Variants in MROH1 observed in about 807,000 individuals in gnomAD.
The protein encoded by MROH1 is maestro heat like repeat family member 1.
MROH1 carries 117 observed loss-of-function variants against 116.5 expected under a neutral mutation model. That is an observed-to-expected ratio of 1.00 (90% CI 0.86 to 1.17). The LOEUF (loss-of-function observed/expected upper bound fraction) is 1.17, where lower values mean the gene tolerates loss of function less well. Ranked by LOEUF, MROH1 falls within the 50% of genes most tolerant of loss-of-function variation. The pLI, the probability that MROH1 is intolerant of heterozygous loss-of-function variation, is 0.00. For missense variants in MROH1, 1,873 were observed against 1,338.5 expected (o/e 1.40, Z -6.23); for synonymous variants, 921 against 583.9 (o/e 1.58, Z -8.32).
chr8:144,260,863 T>C lies in MROH1; in HGVS notation c.4536+31T>C. The C allele has an allele frequency of 1.8e-5, 14 of 777,446 alleles. 1 individual carries two copies. The highest frequency in any genetic ancestry group is 1.7e-4 in the South Asian group (13 of 74,548). 48.2% of individuals were successfully genotyped at this position (777,446 alleles called of 1,614,324 possible). A position where few individuals can be genotyped will look rare whatever the true frequency, so the allele number is the denominator to read the frequency against. On this transcript the variant is annotated intron_variant, in intron 40 of 43. Transcript: ENST00000326134. ...TAGCCAGGGGGTGAGTGGGATGGGG[T>C]GGGTGGCCTCAACTGGACTTGGCCC... is the stretch of plus-strand genomic sequence containing the variant.
At chr8:144,161,814 G>A (rs369207118) in intron 2 of MROH1, among the ~76,000 whole-genome samples, 1 of 152,180 alleles carries the variant, frequency 6.6e-6, no homozygotes, top group East Asian at 1.9e-4. Context: ...CCTGGACGAC[G>A]GAGCTGGGCA....
chr8:144,249,158 C>G (rs1842419850), intron 32 of MROH1, 129 bp downstream of exon 32: 5 of 669,814 alleles, frequency 7.5e-6, no homozygotes, highest in Non-Finnish European at 1.4e-5. Context: ...GTGAGGCTGG[C>G]CCTGGCCTGT....
At chr8:144,191,997 T>A in intron 9 of MROH1, 142 bp downstream of exon 9, 1 of 1,015,068 alleles carries the variant, frequency 9.9e-7, no homozygotes, top group East Asian at 2.6e-5. Flanking sequence ...TGGTGGGCTG[T>A]GAAGGACAGG....
intron 1 of MROH1, among the ~76,000 whole-genome samples, chr8:144,156,922 A>G (rs1818290513): frequency 6.7e-6 from 1 of 150,300 alleles, no homozygotes; most frequent in South Asian, 2.1e-4. Context: ...AGCTGGGATT[A>G]CAGGCGCACA....
In MROH1 at chr8:144,240,127, G is replaced by C. The variant is rs1302204280; in HGVS notation, c.1801G>C (p.Glu601Gln). The C allele has an allele frequency of 1.3e-6, 1 of 778,886 alleles. No individual in the cohort carries two copies. Among genetic ancestry groups the C allele is most frequent in the Admixed American group, 1.7e-5 (1 of 58,776 alleles). 48.2% of individuals were successfully genotyped at this position (778,886 alleles called of 1,614,324 possible). The change falls in exon 19 of 44, where the codon GAG (glutamate) becomes CAG (glutamine). Residue 601 changes from glutamate to glutamine, a missense_variant. Coordinates refer to ENST00000326134, the MANE Select transcript of MROH1 (RefSeq NM_032450.3). ...DEHTEETLPQ[E>Q]EWEEKLLMFL... ...GCACACAGAAGAGACCCTGCCACAG[G>C]AGGAGTGGGAGGAGAAGCTGTTGAT...
At chr8:144,246,876 A>G (rs1842006243) in intron 29 of MROH1, among the ~76,000 whole-genome samples, 1 of 152,236 alleles carries the variant, frequency 6.6e-6, no homozygotes, top group African/African-American at 2.4e-5. Flanking sequence ...TCTGGAAGGC[A>G]GGACCAGGAC....
rs1564550884 is a variant in MROH1 at position 144,243,931 on chromosome 8, C to T, written c.2544C>T (p.Cys848=). The part of the protein sequence containing the change: ...TPIRKKAMLT[C]TYLVSVEPAL... The stretch of plus-strand genomic sequence containing the variant: ...TTCGGAAGAAAGCCATGCTCACCTG[C>T]ACTTACTTGGTGTATCCTTTCCTGC... The change falls in exon 26 of 44, where the codon TGC becomes TGT. Residue 848 remains cysteine (C), a synonymous_variant. Coordinates refer to ENST00000326134, the MANE Select transcript of MROH1 (RefSeq NM_032450.3). 22 of 780,294 alleles carry T rather than the reference C, an allele frequency of 2.8e-5. No individual in the cohort carries two copies. The highest frequency in any genetic ancestry group is 2.2e-4 in the Middle Eastern group (1 of 4,458). The allele number at this position is 780,294 out of a possible 1,614,324, so 48.3% of individuals were successfully genotyped here.
At chr8:144,261,464 A>G (rs1483945844) in intron 43 of MROH1, 115 bp downstream of exon 43, 13 of 697,512 alleles carry the variant, frequency 1.9e-5, no homozygotes, top group Middle Eastern at 3.6e-4. Flanking sequence ...TGGTGACCTC[A>G]TCGTCTCTAG....
intron 1 of MROH1, among the ~76,000 whole-genome samples, chr8:144,152,952 C>A (rs890193887): frequency 1.3e-5 from 2 of 152,144 alleles, no homozygotes; most frequent in Middle Eastern, 3.2e-3. Flanking sequence ...CTATGTTGTG[C>A]AATTGATCTC....
Position 144,260,225 on chromosome 8 carries a change from G to A in MROH1, c.4231G>A (p.Gly1411Ser). 1.3e-6 allele frequency: 1 copy of A among 765,856 alleles called. No individual in the cohort carries two copies. Among genetic ancestry groups the A allele is most frequent in the South Asian group, 1.3e-5 (1 of 74,544 alleles). 47.4% of individuals were successfully genotyped at this position (765,856 alleles called of 1,614,324 possible). Residue 1411 changes from glycine to serine, a missense_variant, in exon 39 of 44, where the codon GGC (glycine) becomes AGC (serine). Transcript: ENST00000326134. ...CCCCCAGCTCCTCACAGCCATGATTGGCGGGCTGGACGACGGGGACAACCC... is the reference window on the plus strand; with the variant it reads ...CCCCCAGCTCCTCACAGCCATGATTAGCGGGCTGGACGACGGGGACAACCC... ...HGPQLLTAMI[G>S]GLDDGDNPHS...
At chr8:144,257,032 G>A (rs1400974311) in intron 35 of MROH1, among the ~76,000 whole-genome samples, 4 of 152,094 alleles carry the variant, frequency 2.6e-5, no homozygotes, top group East Asian at 1.9e-4. Flanking sequence ...ACTGTGGCCC[G>A]GTGGGTCCTC....
At chr8:144,257,698 T>C (rs1443324114) in intron 35 of MROH1, among the ~76,000 whole-genome samples, 1 of 152,196 alleles carries the variant, frequency 6.6e-6, no homozygotes, top group Non-Finnish European at 1.5e-5. Context: ...CCACTCCACG[T>C]CGCAGCACAC....
chr8:144,211,923 G>A (rs915091794), intron 12 of MROH1, among the ~76,000 whole-genome samples: 10 of 152,146 alleles, frequency 6.6e-5, no homozygotes, highest in Non-Finnish European at 1.3e-4. Flanking sequence ...GCAAGCGGCA[G>A]CCTCTTGAGA....
intron 10 of MROH1, among the ~76,000 whole-genome samples, chr8:144,194,949 A>G (rs1047124271): frequency 6.6e-6 from 1 of 151,380 alleles, no homozygotes; most frequent in African/African-American, 2.4e-5. Flanking sequence ...CAGTTACAAG[A>G]CCAACCTACA....
intron 7 of MROH1, among the ~76,000 whole-genome samples, chr8:144,187,426 A>C (rs1337539201): frequency 1.3e-5 from 2 of 152,166 alleles, no homozygotes; most frequent in East Asian, 1.9e-4. Flanking sequence ...AAGAAAAAAA[A>C]CCAAAATCCT....
rs1385325343 is a variant in MROH1 at position 144,191,729 on chromosome 8, G to A, written c.729G>A (p.Val243=). 6.2e-7 allele frequency: 1 copy of A among 1,612,794 alleles called. No homozygotes were observed. Among genetic ancestry groups the A allele is most frequent in the Non-Finnish European group, 8.5e-7 (1 of 1,179,654 alleles). ...TCCCCTCTCAGCTCCGTCTTGCCGTGGTGGAGGCTCTGGGGCCTATGAGCC... is the reference window on the plus strand; with the variant it reads ...TCCCCTCTCAGCTCCGTCTTGCCGTAGTGGAGGCTCTGGGGCCTATGAGCC... ...QSREAKLRLA[V]VEALGPMSHL... The change falls in exon 9 of 44, where the codon GTG becomes GTA. Residue 243 remains valine (V), a synonymous_variant. Transcript: ENST00000326134.
chr8:144,242,534 C>A lies in MROH1; in HGVS notation c.2325+19C>A. The stretch of plus-strand genomic sequence containing the variant: ...CACCAAGGTGGGCACTGCGGTGGGC[C>A]TGCCACGCAGGGGAGCTGGGGCTGC... On this transcript the variant is annotated intron_variant, in intron 23 of 43. Coordinates refer to ENST00000326134, the MANE Select transcript of MROH1 (RefSeq NM_032450.3). The A allele has an allele frequency of 1.3e-6, 1 of 780,542 alleles. No individual in the cohort carries two copies. The highest frequency in any genetic ancestry group is 2.4e-6 in the Non-Finnish European group (1 of 417,742). The allele number at this position is 780,542 out of a possible 1,614,324, so 48.4% of individuals were successfully genotyped here. A position where few individuals can be genotyped will look rare whatever the true frequency, so the allele number is the denominator to read the frequency against.
At chr8:144,247,158 G>A (rs1842058858) in intron 29 of MROH1, 143 bp from the exon 30 acceptor site, 1 of 663,512 alleles carries the variant, frequency 1.5e-6, no homozygotes, top group African/African-American at 1.8e-5. Flanking sequence ...ACTGGGAGCT[G>A]TGTTGGCCAC....
chr8:144,158,148 A>G (rs1243869236), intron 1 of MROH1, among the ~76,000 whole-genome samples: 2 of 151,886 alleles, frequency 1.3e-5, no homozygotes, highest in African/African-American at 4.8e-5. Flanking sequence ...GCATACCACC[A>G]TGCCCAGCTA....
Sources: allele counts gnomAD v4.1 joint callset (sites outside exome capture counted in the v4.1 genomes callset), GRCh38; gene constraint gnomAD v4.1.1; transcripts MANE v1.5; gene names NCBI Gene and HGNC (gene_info 2026-07-23, HGNC 2026-07-21).